EHMT2: variants seen among roughly 807,000 people sequenced by gnomAD.
EHMT2 encodes the protein histone-lysine N-methyltransferase EHMT2.
Under a neutral mutation model 143.3 loss-of-function variants are expected in EHMT2, and 59 were observed. The observed-to-expected ratio is 0.41, with a 90% CI of 0.33 to 0.51. The LOEUF (loss-of-function observed/expected upper bound fraction) is 0.51, where lower values mean the gene tolerates loss of function less well. EHMT2 is among the 20% of genes least tolerant of loss of function. The pLI is 0.18. For synonymous variants in EHMT2, 604 were observed against 651.5 expected, an observed-to-expected ratio of 0.93 and a Z score of 1.11; for missense variants, 1,174 against 1,645.9, an observed-to-expected ratio of 0.71 and a Z score of 4.96.
At chr6:31,897,506 C>A (rs944018939) in intron 1 of EHMT2, 130 bp downstream of exon 1, 89 of 572,656 alleles carry the variant, frequency 1.6e-4, no homozygotes, top group Non-Finnish European at 1.9e-4. Flanking sequence ...CCGGTGCTGG[C>A]CCCCTGGATT....
rs1764344647 is a variant in EHMT2, at chr6:31,883,207, C to G, written c.2994+155G>C. The G allele has an allele frequency of 4.4e-6, 4 of 910,000 alleles. No individual in the cohort carries two copies. Among genetic ancestry groups the G allele is most frequent in the African/African-American group, 1.7e-5 (1 of 60,318 alleles). 56.4% of individuals were successfully genotyped at this position (910,000 alleles called of 1,614,324 possible). On this transcript the variant is annotated intron_variant, in intron 23 of 27. Coordinates refer to ENST00000375537, the Ensembl canonical transcript of EHMT2. This position sits in a 1 kb window ranked among gnomAD's most constrained non-coding sequence, Gnocchi z 5.6. ...GGCACACGCCCATCGCTGTCCCAGC[C>G]ACATCCCAGGATTCCCAGGCCTTGC... is the stretch of plus-strand genomic sequence containing the variant.
rs772852706 is a variant in EHMT2, at chr6:31,883,329, C to T, written c.2994+33G>A. ...AGGCTGGCTCCTCTGAAGGAGGGGC[C>T]GGGTGTCTGTGGCCAAGGCAAGGGG... On this transcript the variant is annotated intron_variant, in intron 23 of 27. Coordinates refer to ENST00000375537, the Ensembl canonical transcript of EHMT2. This position sits in a 1 kb window ranked among gnomAD's most constrained non-coding sequence, Gnocchi z 5.6. 84 of 1,607,642 alleles carry T rather than the reference C, an allele frequency of 5.2e-5. No individual in the cohort carries two copies. The highest frequency in any genetic ancestry group is 6.5e-5 in the Non-Finnish European group (76 of 1,175,968).
chr6:31,894,564 G>A (rs922115585), intron 4 of EHMT2, among the ~76,000 whole-genome samples: 2 of 152,180 alleles, frequency 1.3e-5, no homozygotes, highest in Non-Finnish European at 2.9e-5. Flanking sequence ...TTACAGGCGT[G>A]AGCCACTGCG....
Position 31,888,734 on chromosome 6 carries a change from G to A in EHMT2, c.1230C>T (p.Asp410=). The change falls in exon 11 of 28, where the codon GAC becomes GAT. Residue 410 remains aspartate, a synonymous_variant. Coordinates refer to ENST00000375537, the Ensembl canonical transcript of EHMT2. This position sits in a 1 kb window ranked among gnomAD's most constrained non-coding sequence, Gnocchi z 7.4. ...CTCGCTCTGTCTCCAGCGAAGATGTGTCATTGGACACCCCTTGGATGGAGG... is the reference window on the plus strand; with the variant it reads ...CTCGCTCTGTCTCCAGCGAAGATGTATCATTGGACACCCCTTGGATGGAGG... 2 of 1,613,286 alleles carry A rather than the reference G, an allele frequency of 1.2e-6. No individual in the cohort carries two copies. The highest frequency in any genetic ancestry group is 2.2e-5 in the East Asian group (1 of 44,876).
At chr6:31,897,359 T>G in intron 1 of EHMT2, 1 of 440,150 alleles carries the variant, frequency 2.3e-6, no homozygotes, top group African/African-American at 2.2e-5. Flanking sequence ...CCCAGCCCGG[T>G]GGACGGCCCC....
intron 7 of EHMT2, among the ~76,000 whole-genome samples, chr6:31,892,135 G>A (rs551107445): frequency 2.6e-5 from 4 of 152,144 alleles, no homozygotes; most frequent in South Asian, 2.1e-4. Context: ...CCAGCTACTC[G>A]GGAGGCTGAG....
At chr6:31,887,814 G>A in exon 14 of EHMT2, 1 of 1,605,870 alleles carries the variant, frequency 6.2e-7, no homozygotes, top group South Asian at 1.1e-5. Context: ...CCTTTTCCAG[G>A]GCCTCCCGGC....
exon 18 of EHMT2, chr6:31,886,627 A>G: frequency 6.2e-7 from 1 of 1,613,514 alleles, no homozygotes; most frequent in Non-Finnish European, 8.5e-7. Context: ...CAGGCTGACC[A>G]TCTCCAAGTT....
intron 16 of EHMT2, 33 bp from the exon 17 acceptor site, chr6:31,886,930 G>A: frequency 3.7e-6 from 6 of 1,613,948 alleles, no homozygotes; most frequent in Non-Finnish European, 3.4e-6. Flanking sequence ...GCACCAGGGA[G>A]GCATGGGGCA....
Position 31,889,079 on chromosome 6 carries a change from G to A in EHMT2, c.1115-9C>T. 1 of 1,596,354 alleles carries A rather than the reference G, an allele frequency of 6.3e-7. No individual in the cohort carries two copies. Among genetic ancestry groups the A allele is most frequent in the Non-Finnish European group, 8.5e-7 (1 of 1,171,738 alleles). ...GCCCACACCATTCACTCCTGACACAGAGACAGAGAGAGTGAGAGTGCGAGC... is the reference window on the plus strand; with the variant it reads ...GCCCACACCATTCACTCCTGACACAAAGACAGAGAGAGTGAGAGTGCGAGC... On this transcript the variant is annotated splice_polypyrimidine_tract_variant and intron_variant, in intron 9 of 27. Transcript: ENST00000375537. This position sits in a 1 kb window ranked among gnomAD's most constrained non-coding sequence, Gnocchi z 5.1.
At chr6:31,893,792 A>T (rs1168765619) in intron 4 of EHMT2, 3 of 177,686 alleles carry the variant, frequency 1.7e-5, no homozygotes, top group African/African-American at 7.1e-5. Context: ...TAAAGTACTT[A>T]CTCAAATTTA....
Position 31,880,637 on chromosome 6 carries a change from C to T in EHMT2, c.3452+36G>A. 6.2e-7 allele frequency: 1 copy of T among 1,607,530 alleles called. No individual in the cohort carries two copies. Among genetic ancestry groups the T allele is most frequent in the South Asian group, 1.1e-5 (1 of 90,816 alleles). On this transcript the variant is annotated intron_variant, in intron 27 of 27. Coordinates refer to ENST00000375537, the Ensembl canonical transcript of EHMT2. This position sits in a 1 kb window ranked among gnomAD's most constrained non-coding sequence, Gnocchi z 6.6. ...TCCCAGGTTTGCTGCATCTCCCACC[C>T]CCTGGCAGAGCCCCTAGAGACCCCT... is the stretch of plus-strand genomic sequence containing the variant.
chr6:31,887,930 G>A (rs1765101295), exon 14 of EHMT2: 18 of 1,600,874 alleles, frequency 1.1e-5, no homozygotes, highest in Middle Eastern at 1.7e-4. Context: ...CAGGGCGGGC[G>A]CCGGGGTTCC....
chr6:31,886,400 A>G, intron 18 of EHMT2, 181 bp downstream of exon 18: 2 of 608,672 alleles, frequency 3.3e-6, no homozygotes, highest in Non-Finnish European at 5.7e-6. Flanking sequence ...GAAACTTGAT[A>G]AAGAGAAAGA....
chr6:31,883,116 TCA>T lies in EHMT2; in HGVS notation c.2995-109_2995-108del. The T allele has an allele frequency of 9.5e-7, 1 of 1,052,516 alleles. No homozygotes were observed. Among genetic ancestry groups the T allele is most frequent in the East Asian group, 2.6e-5 (1 of 39,174 alleles). The allele number at this position is 1,052,516 out of a possible 1,614,324, so 65.2% of individuals were successfully genotyped here. A position where few individuals can be genotyped will look rare whatever the true frequency, so the allele number is the denominator to read the frequency against. On this transcript the variant is annotated intron_variant, in intron 23 of 27. Coordinates refer to ENST00000375537, the Ensembl canonical transcript of EHMT2. This position sits in a 1 kb window ranked among gnomAD's most constrained non-coding sequence, Gnocchi z 5.6. ...GACAGGGAAGTTGGGGTTGGGGAGG[TCA>T]CACAGGCTCTGAGATCCGAGAGCAC...
At position 31,880,923 on chromosome 6, in the gene EHMT2, C is replaced by T. The variant is rs1457513770; in HGVS notation, c.3277-75G>A. On this transcript the variant is annotated intron_variant, in intron 26 of 27. Transcript: ENST00000375537. The surrounding 1 kb of genome is among the most constrained non-coding windows in gnomAD (Gnocchi z 6.6). The stretch of plus-strand genomic sequence containing the variant: ...CTCCCCACCCACTGACTCCCCAGTC[C>T]CTCCTCCCCAGGTTTCCATTTGCTG... The T allele has an allele frequency of 1.2e-6, 2 of 1,607,070 alleles. No homozygotes were observed. Among genetic ancestry groups the T allele is most frequent in the East Asian group, 2.2e-5 (1 of 44,836 alleles).
Position 31,883,632 on chromosome 6 carries a change from C to T in EHMT2, c.2916+174G>A. 2 of 1,085,298 alleles carry T rather than the reference C, an allele frequency of 1.8e-6. No homozygotes were observed. The highest frequency in any genetic ancestry group is 1.4e-6 in the Non-Finnish European group (1 of 736,312). The allele number at this position is 1,085,298 out of a possible 1,614,324, so 67.2% of individuals were successfully genotyped here. A position where few individuals can be genotyped will look rare whatever the true frequency, so the allele number is the denominator to read the frequency against. Reference sequence around the variant, plus strand: ...AGGGCTACTGGGAGCTCATATGATACCTTGCTGTGACCTAGGAAAAGGATC... The same window carrying T: ...AGGGCTACTGGGAGCTCATATGATATCTTGCTGTGACCTAGGAAAAGGATC... On this transcript the variant is annotated intron_variant, in intron 22 of 27. Coordinates refer to ENST00000375537, the Ensembl canonical transcript of EHMT2. This position sits in a 1 kb window ranked among gnomAD's most constrained non-coding sequence, Gnocchi z 5.6.
At chr6:31,892,197 G>A (rs1359209218) in intron 7 of EHMT2, among the ~76,000 whole-genome samples, 2 of 152,172 alleles carry the variant, frequency 1.3e-5, no homozygotes, top group Admixed American at 1.3e-4. Flanking sequence ...AGCCCAGATC[G>A]TGATATTGCG....
chr6:31,887,431 G>A, intron 15 of EHMT2, 146 bp downstream of exon 15: 1 of 712,930 alleles, frequency 1.4e-6, no homozygotes, highest in Non-Finnish European at 2.4e-6. Context: ...CCATCGTTAT[G>A]GGTTACATGT....
Sources: gnomAD v4.1 joint callset for allele counts (sites outside exome capture counted in the v4.1 genomes callset) on GRCh38, gnomAD v4.1.1 for gene constraint, Gnocchi (gnomAD v3.1) non-coding constraint, MANE v1.5 for transcripts, NCBI Gene and HGNC (gene_info 2026-07-23, HGNC 2026-07-21) for gene names.